Variants in TTC3 observed in about 807,000 individuals in gnomAD.
The protein encoded by TTC3 is tetratricopeptide repeat domain 3.
TTC3 carries 180 observed loss-of-function variants against 249.6 expected under a neutral mutation model. That is an observed-to-expected ratio of 0.72 (90% CI 0.64 to 0.82). The LOEUF (loss-of-function observed/expected upper bound fraction) is 0.82, where lower values mean the gene tolerates loss of function less well. Among genes scored for constraint, TTC3 ranks in the 40% least tolerant of loss-of-function variants. The probability of loss-of-function intolerance (pLI) is 0.00; values close to 1 mark genes in which losing one functional copy is unlikely to be tolerated. For synonymous variants in TTC3, 717 were observed against 805.0 expected, an observed-to-expected ratio of 0.89 and a Z score of 1.85; for missense variants, 2,061 against 2,398.4, an observed-to-expected ratio of 0.86 and a Z score of 2.94.
chr21:37,147,664 A>G, intron 22 of TTC3, 61 bp downstream of exon 22: 1 of 1,547,462 alleles, frequency 6.5e-7, no homozygotes, highest in Non-Finnish European at 8.6e-7. Context: ...AATGGGCTCA[A>G]AACAATCTGT....
intron 1 of TTC3, chr21:37,083,546 A>G (rs1021744873): frequency 5.3e-5 from 20 of 379,006 alleles, no homozygotes; most frequent in Non-Finnish European, 5.8e-5. Context: ...AGCAGAAATG[A>G]CAAGAGTTAG....
chr21:37,106,609 G>C (rs967733993), intron 10 of TTC3, among the ~76,000 whole-genome samples: 1 of 152,204 alleles, frequency 6.6e-6, no homozygotes, highest in African/African-American at 2.4e-5. Flanking sequence ...TATGGGCCAG[G>C]TGCGGTGGCT....
intron 21 of TTC3, among the ~76,000 whole-genome samples, chr21:37,145,126 T>C (rs571141941): frequency 1.8e-4 from 27 of 152,198 alleles, no homozygotes; most frequent in Non-Finnish European, 3.4e-4. Flanking sequence ...AAAATATGAA[T>C]TTAGTCTCAT....
In TTC3 at chr21:37,197,754, T is replaced by TAAA. The variant is rs34505047; in HGVS notation, c.5706+70_5706+72dup. 11,730 of 1,355,622 alleles carry TAAA rather than the reference T, an allele frequency of 8.7e-3. 4 individuals carry two copies. Among genetic ancestry groups the TAAA allele is most frequent in the South Asian group, 0.014 (938 of 65,304 alleles). The allele number at this position is 1,355,622 out of a possible 1,614,324, so 84.0% of individuals were successfully genotyped here. A position where few individuals can be genotyped will look rare whatever the true frequency, so the allele number is the denominator to read the frequency against. On this transcript the variant is annotated intron_variant, in intron 43 of 45. Coordinates refer to ENST00000355666, the Ensembl canonical transcript of TTC3. ...TTTATTTATAAAATATGAGAATTGTTAAAAAAAAAAAAAAGCTTCAAACCA... is the reference window on the plus strand; with the variant it reads ...TTTATTTATAAAATATGAGAATTGTTAAAAAAAAAAAAAAAAAGCTTCAAACCA...
chr21:37,106,993 G>C (rs1037117523), intron 10 of TTC3, among the ~76,000 whole-genome samples: 9 of 151,776 alleles, frequency 5.9e-5, no homozygotes, highest in African/African-American at 2.2e-4. Context: ...CCTTTGTCAC[G>C]AATCAGGTCA....
At chr21:37,142,982 A>T (rs1258403400) in intron 20 of TTC3, among the ~76,000 whole-genome samples, 1 of 152,242 alleles carries the variant, frequency 6.6e-6, no homozygotes, top group Non-Finnish European at 1.5e-5. Flanking sequence ...CCTGACAAAA[A>T]CAAGAAATAG....
chr21:37,161,407 C>A (rs571298832), intron 30 of TTC3, among the ~76,000 whole-genome samples: 6 of 152,192 alleles, frequency 3.9e-5, no homozygotes, highest in African/African-American at 1.2e-4. Context: ...TCCCGAGTAG[C>A]CGGAATGACA....
At chr21:37,178,745 A>T (rs1411059003) in intron 35 of TTC3, among the ~76,000 whole-genome samples, 1 of 152,182 alleles carries the variant, frequency 6.6e-6, no homozygotes, top group Non-Finnish European at 1.5e-5. Context: ...AGATCGCTTG[A>T]GCCCAGGAGT....
chr21:37,165,267 A>C (rs1033738116), intron 32 of TTC3, among the ~76,000 whole-genome samples: 3 of 152,144 alleles, frequency 2.0e-5, no homozygotes, highest in African/African-American at 7.2e-5. Flanking sequence ...AAATTATGTA[A>C]TTACATAGTT....
chr21:37,115,288 G>A (rs2076047447), intron 11 of TTC3, among the ~76,000 whole-genome samples: 1 of 151,930 alleles, frequency 6.6e-6, no homozygotes, highest in Non-Finnish European at 1.5e-5. Flanking sequence ...CAGAATAGAG[G>A]GCCTCCACAC....
intron 41 of TTC3, 97 bp from the exon 42 acceptor site, chr21:37,195,578 G>A (rs920137414): frequency 2.2e-5 from 33 of 1,485,482 alleles, no homozygotes; most frequent in South Asian, 8.3e-5. Context: ...GAGCCTCTGC[G>A]CTGCGTTACT....
chr21:37,093,468 TTCCAAAA>T (rs1319454212), intron 7 of TTC3: 1 of 151,732 alleles, frequency 6.6e-6, no homozygotes, highest in Non-Finnish European at 1.5e-5. Context: ...AATGCAAATA[TTCCAAAA>T]TCCAAAATTA....
At chr21:37,080,827 C>T in intron 1 of TTC3, among the ~76,000 whole-genome samples, 1 of 151,810 alleles carries the variant, frequency 6.6e-6, no homozygotes, top group Non-Finnish European at 1.5e-5. Context: ...AGTGTCCTTA[C>T]ATTTTAAGTG....
chr21:37,165,923 C>T (rs769205025), exon 33 of TTC3: 1 of 1,614,150 alleles, frequency 6.2e-7, no homozygotes, highest in Non-Finnish European at 8.5e-7. Context: ...AAATGTGAAA[C>T]CCAAACCTGT....
At chr21:37,159,336 C>T (rs921435290) in intron 28 of TTC3, among the ~76,000 whole-genome samples, 1 of 152,172 alleles carries the variant, frequency 6.6e-6, no homozygotes, top group Admixed American at 6.5e-5. Flanking sequence ...TTGTGTTTCA[C>T]GTGGTCCTTA....
intron 45 of TTC3, among the ~76,000 whole-genome samples, chr21:37,201,202 G>A (rs2085461962): frequency 6.6e-6 from 1 of 152,248 alleles, no homozygotes; most frequent in African/African-American, 2.4e-5. Context: ...CACCCCCTGA[G>A]GCCAGGTTGG....
exon 38 of TTC3, chr21:37,187,050 A>G (rs2083382647): frequency 6.5e-7 from 1 of 1,528,690 alleles, no homozygotes; most frequent in African/African-American, 1.4e-5. Context: ...TATTTGTAGC[A>G]ACACACTTAC....
intron 39 of TTC3, among the ~76,000 whole-genome samples, chr21:37,188,815 TGAA>T (rs2083617952): frequency 6.6e-6 from 1 of 152,210 alleles, no homozygotes; most frequent in Admixed American, 6.5e-5. Context: ...AATAAATTCA[TGAA>T]GTGTTTGAAA....
At chr21:37,196,409 G>T in intron 42 of TTC3, among the ~76,000 whole-genome samples, 1 of 151,902 alleles carries the variant, frequency 6.6e-6, no homozygotes, top group Non-Finnish European at 1.5e-5. Flanking sequence ...GCTAATTTTT[G>T]TATTTTTAGT....
Sources: allele counts gnomAD v4.1 joint callset (sites outside exome capture counted in the v4.1 genomes callset), GRCh38; gene constraint gnomAD v4.1.1; transcripts MANE v1.5; gene names NCBI Gene and HGNC (gene_info 2026-07-23, HGNC 2026-07-21).